RARB: variants seen among roughly 807,000 people sequenced by gnomAD.
RARB encodes the protein HBV-activated protein.
In RARB, 17 loss-of-function variants were observed where a neutral mutation model predicts 51.9. The ratio of observed to expected loss-of-function variants is 0.33; its 90% CI spans 0.22 to 0.49. The LOEUF (loss-of-function observed/expected upper bound fraction) is 0.49, where lower values mean the gene tolerates loss of function less well. RARB is among the 20% of genes least tolerant of loss of function. The pLI is 0.99. For synonymous variants in RARB, 215 were observed against 195.4 expected (o/e 1.10, Z -0.84); for missense variants, 369 against 550.8 (o/e 0.67, Z 3.30).
At chr3:25,397,246 C>G (rs1332778019) in intron 5 of RARB, among the ~76,000 whole-genome samples, 3 of 152,140 alleles carry the variant, frequency 2.0e-5, no homozygotes, top group Non-Finnish European at 2.9e-5. Flanking sequence ...CTTTATGTTT[C>G]ACTTGGCTCT....
At chr3:25,407,415 G>T (rs1346141098) in intron 5 of RARB, among the ~76,000 whole-genome samples, 1 of 152,136 alleles carries the variant, frequency 6.6e-6, no homozygotes, top group Admixed American at 6.5e-5. Context: ...TGATGCTAGG[G>T]AGGACACTTC....
intron 4 of RARB, among the ~76,000 whole-genome samples, chr3:25,172,739 T>C (rs74725078): frequency 0.016 from 2,440 of 152,330 alleles, 58 homozygotes; most frequent in African/African-American, 0.051. Flanking sequence ...ATTATTTTGA[T>C]GTGATAACAA....
chr3:25,121,982 C>A (rs570360255), intron 3 of RARB, among the ~76,000 whole-genome samples: 1 of 152,074 alleles, frequency 6.6e-6, no homozygotes, highest in Non-Finnish European at 1.5e-5. Flanking sequence ...TTAGGGAAAC[C>A]CATACCTCAT....
intron 5 of RARB, among the ~76,000 whole-genome samples, chr3:25,178,412 G>C (rs930528887): frequency 6.6e-6 from 1 of 151,878 alleles, no homozygotes; most frequent in Non-Finnish European, 1.5e-5. Context: ...TAATAGCCTC[G>C]ATGTCACTGC....
chr3:25,503,785 C>T (rs933028090), intron 3 of RARB, among the ~76,000 whole-genome samples: 2 of 151,980 alleles, frequency 1.3e-5, no homozygotes, highest in Non-Finnish European at 2.9e-5. Flanking sequence ...CCAATTATAC[C>T]ACAGTATACG....
intron 3 of RARB, among the ~76,000 whole-genome samples, chr3:25,123,746 T>C (rs1378119327): frequency 6.6e-6 from 1 of 152,206 alleles, no homozygotes; most frequent in Admixed American, 6.5e-5. Flanking sequence ...TACCCTCTTC[T>C]AGTCATAGGC....
intron 2 of RARB, among the ~76,000 whole-genome samples, chr3:24,991,347 G>T (rs892673988): frequency 6.6e-6 from 1 of 151,860 alleles, no homozygotes; most frequent in Non-Finnish European, 1.5e-5. Context: ...GGAGGCTGAG[G>T]CAGGAGAATC....
chr3:25,253,875 G>A (rs1365698332), intron 5 of RARB, among the ~76,000 whole-genome samples: 5 of 152,078 alleles, frequency 3.3e-5, no homozygotes, highest in Non-Finnish European at 7.4e-5. Context: ...AGCTTAAAAC[G>A]ATAACTTGTG....
At chr3:25,374,944 T>C (rs1230793637) in intron 5 of RARB, among the ~76,000 whole-genome samples, 1 of 152,194 alleles carries the variant, frequency 6.6e-6, no homozygotes, top group African/African-American at 2.4e-5. Context: ...TTCCTTCCTT[T>C]TTTTCTTGGG....
intron 3 of RARB, among the ~76,000 whole-genome samples, chr3:25,536,695 G>C (rs1158504607): frequency 6.6e-6 from 1 of 152,212 alleles, no homozygotes; most frequent in African/African-American, 2.4e-5. Context: ...ATAAAATGCA[G>C]ATGTGTTGCT....
At chr3:24,863,077 C>A (rs1702784201) in intron 2 of RARB, among the ~76,000 whole-genome samples, 1 of 152,170 alleles carries the variant, frequency 6.6e-6, no homozygotes, top group Non-Finnish European at 1.5e-5. Context: ...TAACACAGAG[C>A]ATGTGCTGAA....
At chr3:25,478,459 T>C (rs1429693870) in intron 2 of RARB, among the ~76,000 whole-genome samples, 1 of 152,146 alleles carries the variant, frequency 6.6e-6, no homozygotes, top group South Asian at 2.1e-4. Flanking sequence ...GGAAGACTAG[T>C]GGCTCATTCT....
At chr3:25,029,438 T>C (rs1367225743) in intron 2 of RARB, among the ~76,000 whole-genome samples, 2 of 152,230 alleles carry the variant, frequency 1.3e-5, no homozygotes, top group Admixed American at 1.3e-4. Context: ...GGCTCTACTC[T>C]GCTTTGCATA....
chr3:25,467,272 T>G (rs1695478819), intron 2 of RARB, among the ~76,000 whole-genome samples: 1 of 152,256 alleles, frequency 6.6e-6, no homozygotes, highest in Non-Finnish European at 1.5e-5. Flanking sequence ...ATAACTCAAA[T>G]GCTTAATGTC....
rs139835770 is a variant in RARB at position 24,938,324 on chromosome 3, T to C, written c.-380+79572T>C. ...GGCCCTAGAGTCTTTCGTTGTACTGTAGTTTGTTAGAGAACCGTATGTTTC... is the reference window on the plus strand; with the variant it reads ...GGCCCTAGAGTCTTTCGTTGTACTGCAGTTTGTTAGAGAACCGTATGTTTC... On this transcript the variant is annotated intron_variant, in intron 2 of 11. Coordinates refer to the RARB transcript ENST00000383772. Among the ~76,000 whole-genome samples the C allele has an allele frequency of 6.7e-3, 1,016 of 152,300 alleles. 9 individuals carry two copies. Among genetic ancestry groups the C allele is most frequent in the African/African-American group, 0.023 (965 of 41,572 alleles).
At chr3:25,086,681 A>G (rs1178093036) in intron 3 of RARB, among the ~76,000 whole-genome samples, 1 of 152,062 alleles carries the variant, frequency 6.6e-6, no homozygotes, top group Non-Finnish European at 1.5e-5. Flanking sequence ...AAAAGGTGGG[A>G]CAACTCAGGG....
At chr3:25,182,985 A>G (rs1207220482) in intron 5 of RARB, among the ~76,000 whole-genome samples, 2 of 152,082 alleles carry the variant, frequency 1.3e-5, no homozygotes, top group Non-Finnish European at 2.9e-5. Flanking sequence ...CATGGAGAAC[A>G]TTCCCCCCAC....
chr3:24,928,451 C>T (rs965423401), intron 2 of RARB, among the ~76,000 whole-genome samples: 6 of 151,886 alleles, frequency 4.0e-5, no homozygotes, highest in African/African-American at 9.7e-5. Flanking sequence ...TGAACTCTAC[C>T]TCCTGAAATG....
At chr3:25,106,005 T>G (rs1323848077) in intron 3 of RARB, among the ~76,000 whole-genome samples, 1 of 152,144 alleles carries the variant, frequency 6.6e-6, no homozygotes, top group African/African-American at 2.4e-5. Context: ...TCAGATCATT[T>G]AGACTGCAGT....
Sources: allele counts gnomAD v4.1 joint callset (sites outside exome capture counted in the v4.1 genomes callset), GRCh38; gene constraint gnomAD v4.1.1; transcripts MANE v1.5; gene names NCBI Gene and HGNC (gene_info 2026-07-23, HGNC 2026-07-21).